The following MB21D2 variants were observed in gnomAD, a reference collection of about 807,000 sequenced individuals.
MB21D2 encodes the protein nucleotidyltransferase MB21D2.
MB21D2 carries 9 observed loss-of-function variants against 33.3 expected under a neutral mutation model. The observed-to-expected ratio is 0.27, with a 90% CI of 0.16 to 0.47. The LOEUF is 0.47. Among genes scored for constraint, MB21D2 ranks in the 20% least tolerant of loss-of-function variants. MB21D2 has a pLI of 0.99. For missense variants in MB21D2, 540 were observed against 624.6 expected (o/e 0.86, Z 1.44); for synonymous variants, 241 against 236.3 (o/e 1.02, Z -0.18).
intron 1 of MB21D2, 69 bp downstream of exon 1, chr3:192,917,561 A>C: frequency 6.5e-7 from 1 of 1,541,906 alleles, no homozygotes; most frequent in Non-Finnish European, 8.9e-7. Flanking sequence ...AGAAGCGGCA[A>C]TGGGTTTTCT....
At chr3:192,891,879 G>A (rs1713860107) in intron 1 of MB21D2, among the ~76,000 whole-genome samples, 1 of 152,036 alleles carries the variant, frequency 6.6e-6, no homozygotes, top group Non-Finnish European at 1.5e-5. Flanking sequence ...TAAAAGCTGT[G>A]AACAAAAGGC....
chr3:192,820,980 C>T (rs941957494), intron 1 of MB21D2, among the ~76,000 whole-genome samples: 7 of 152,090 alleles, frequency 4.6e-5, no homozygotes. Context: ...GTTGCTGAGG[C>T]TAGTCCCGAA....
intron 1 of MB21D2, among the ~76,000 whole-genome samples, chr3:192,909,936 C>CAAAAAAAAAA (rs61613458): frequency 1.9e-5 from 1 of 52,804 alleles, no homozygotes; most frequent in Non-Finnish European, 3.1e-5. Flanking sequence ...GACTCTGTCT[C>CAAAAAAAAAA]AAAAAAAAAA....
chr3:192,864,669 G>A (rs1289568899), intron 1 of MB21D2, among the ~76,000 whole-genome samples: 1 of 152,064 alleles, frequency 6.6e-6, no homozygotes, highest in Non-Finnish European at 1.5e-5. Flanking sequence ...ACCACGCCTG[G>A]TTAATTTTTG....
chr3:192,816,241 C>T (rs9843272), intron 1 of MB21D2, among the ~76,000 whole-genome samples: 3,151 of 151,328 alleles, frequency 0.021, 49 homozygotes, highest in Non-Finnish European at 0.033. Context: ...AAGATGGTTC[C>T]GACTTGAGAA....
chr3:192,826,852 A>G (rs952886536), intron 1 of MB21D2, among the ~76,000 whole-genome samples: 1 of 150,682 alleles, frequency 6.6e-6, no homozygotes, highest in African/African-American at 2.4e-5. Flanking sequence ...TTTGGCACTC[A>G]CTCAGCATCC....
At chr3:192,907,714 C>A (rs910901197) in intron 1 of MB21D2, among the ~76,000 whole-genome samples, 2 of 152,242 alleles carry the variant, frequency 1.3e-5, no homozygotes, top group East Asian at 3.9e-4. Context: ...TAGTATTGAT[C>A]GCAAATAACA....
At chr3:192,877,013 G>A (rs1480924228) in intron 1 of MB21D2, among the ~76,000 whole-genome samples, 2 of 152,168 alleles carry the variant, frequency 1.3e-5, no homozygotes, top group Non-Finnish European at 2.9e-5. Context: ...TGAGTCCACA[G>A]TGAGTAATTA....
In MB21D2 at chr3:192,901,235, T is replaced by C. The variant is rs150210405; in HGVS notation, c.211+16395A>G. On this transcript the variant is annotated intron_variant, in intron 1 of 1. Transcript: ENST00000392452. Reference sequence around the variant, plus strand: ...ATGAGGTTCTACATTGTCCAGATAGTTCACTATTCCATAGAGAAATGAATG... The same window carrying C: ...ATGAGGTTCTACATTGTCCAGATAGCTCACTATTCCATAGAGAAATGAATG... 3.2e-4 allele frequency among the ~76,000 whole-genome samples: 49 copies of C among 152,102 alleles called. No individual in the cohort carries two copies. The East Asian group carries it at 8.3e-3, about 26-fold the overall frequency.
At chr3:192,841,059 T>C (rs1008907860) in intron 1 of MB21D2, among the ~76,000 whole-genome samples, 2 of 152,158 alleles carry the variant, frequency 1.3e-5, no homozygotes, top group Non-Finnish European at 2.9e-5. Context: ...AGATAACCAA[T>C]CCTTCCAGGC....
At chr3:192,897,134 TG>T (rs1415104607) in intron 1 of MB21D2, among the ~76,000 whole-genome samples, 3 of 152,134 alleles carry the variant, frequency 2.0e-5, no homozygotes, top group Admixed American at 6.6e-5. Context: ...AACAACCTCG[TG>T]GGATCCATGA....
At chr3:192,902,110 T>C (rs1714117532) in intron 1 of MB21D2, among the ~76,000 whole-genome samples, 1 of 152,202 alleles carries the variant, frequency 6.6e-6, no homozygotes, top group African/African-American at 2.4e-5. Flanking sequence ...ATGTTTGTCC[T>C]GGGAGCTGCC....
intron 1 of MB21D2, among the ~76,000 whole-genome samples, chr3:192,834,437 A>AAAG (rs1452264804): frequency 6.7e-6 from 1 of 149,826 alleles, no homozygotes. Context: ...AAAAAAAAAA[A>AAAG]AAGAAGAAGA....
At chr3:192,845,488 T>C (rs1712661879) in intron 1 of MB21D2, among the ~76,000 whole-genome samples, 1 of 152,254 alleles carries the variant, frequency 6.6e-6, no homozygotes, top group African/African-American at 2.4e-5. Flanking sequence ...TATGCTCCTA[T>C]GCTCCAATTT....
In MB21D2 at chr3:192,801,458, G is replaced by A. The variant is rs1377160416; in HGVS notation, c.212-1808C>T. Among the ~76,000 whole-genome samples, 4 of 152,228 alleles carry A rather than the reference G, an allele frequency of 2.6e-5. 1 individual carries two copies. The highest frequency in any genetic ancestry group is 4.2e-4 in the South Asian group (2 of 4,818). On this transcript the variant is annotated intron_variant, in intron 1 of 1. Coordinates refer to ENST00000392452, the MANE Select transcript of MB21D2 (RefSeq NM_178496.4). Reference sequence around the variant, plus strand: ...TATTATTGTTATACTCTGAACGTTCGTGACTCCCACTCACATGTTGAAATC... The same window carrying A: ...TATTATTGTTATACTCTGAACGTTCATGACTCCCACTCACATGTTGAAATC...
At chr3:192,816,315 T>C (rs2108614397) in intron 1 of MB21D2, among the ~76,000 whole-genome samples, 1 of 152,228 alleles carries the variant, frequency 6.6e-6, no homozygotes, top group Non-Finnish European at 1.5e-5. Flanking sequence ...TTTAAGATAG[T>C]GACAAAAATG....
chr3:192,868,927 C>T (rs190162975), intron 1 of MB21D2, among the ~76,000 whole-genome samples: 7 of 152,274 alleles, frequency 4.6e-5, no homozygotes, highest in Non-Finnish European at 1.5e-5. Flanking sequence ...TGCTACTAAC[C>T]GGAACTATGT....
At chr3:192,834,315 T>C (rs1184453186) in intron 1 of MB21D2, among the ~76,000 whole-genome samples, 1 of 131,716 alleles carries the variant, frequency 7.6e-6, no homozygotes, top group East Asian at 2.2e-4. Flanking sequence ...AGACTGCATC[T>C]CAAAAAAAAA....
At chr3:192,880,968 TACAC>T (rs939960425) in intron 1 of MB21D2, among the ~76,000 whole-genome samples, 35 of 152,158 alleles carry the variant, frequency 2.3e-4, no homozygotes, top group African/African-American at 8.4e-4. Context: ...ATAAAGAATG[TACAC>T]ACAAACATAT....
Sources: gnomAD v4.1 joint callset for allele counts (sites outside exome capture counted in the v4.1 genomes callset) on GRCh38, gnomAD v4.1.1 for gene constraint, MANE v1.5 for transcripts, NCBI Gene and HGNC (gene_info 2026-07-23, HGNC 2026-07-21) for gene names.